PODXL: variants seen among roughly 807,000 people sequenced by gnomAD.
The protein encoded by PODXL is podocalyxin like.
PODXL carries 20 observed loss-of-function variants against 48.9 expected under a neutral mutation model. The ratio of observed to expected loss-of-function variants is 0.41; its 90% CI spans 0.29 to 0.59. The LOEUF is 0.59. PODXL is among the 20% of genes least tolerant of loss of function. The pLI is 0.31. For synonymous variants in PODXL, 295 were observed against 287.4 expected (o/e 1.03, Z -0.27); for missense variants, 606 against 675.1 (o/e 0.90, Z 1.13).
rs1357041847 is a variant in PODXL, at chr7:131,544,671, TGTACTAC to T, written c.100+11582_100+11588del. On this transcript the variant is annotated intron_variant, in intron 1 of 8. Coordinates refer to ENST00000378555, the MANE Select transcript of PODXL (RefSeq NM_001018111.3). Reference sequence around the variant, plus strand: ...CGCCCTGTACTACGCACGCACGCCCTGTACTACGCTTGGCAGTGCCCCCGGGGCAGGA... The same window carrying T: ...CGCCCTGTACTACGCACGCACGCCCTGCTTGGCAGTGCCCCCGGGGCAGGA... Among the ~76,000 whole-genome samples, 44 of 84,570 alleles carry T rather than the reference TGTACTAC, an allele frequency of 5.2e-4. No homozygotes were observed. In the South Asian group the frequency reaches 7.9e-3, roughly 15 times the overall value. The allele number at this position is 84,570 out of a possible 152,430, so 55.5% of individuals were successfully genotyped here.
Position 131,504,178 on chromosome 7 carries a change from C to G in PODXL, c.*133G>C. On this transcript the variant is annotated 3_prime_UTR_variant, in exon 9 of 9. Transcript: ENST00000378555. ...GGTTGAAAAGGGAAAAATTAAGGCC[C>G]TGGGGGGATTGGGAGGGGACACCCC... 1.4e-6 allele frequency: 1 copy of G among 691,134 alleles called. No individual in the cohort carries two copies. Among genetic ancestry groups the G allele is most frequent in the Non-Finnish European group, 2.5e-6 (1 of 404,254 alleles). 42.8% of individuals were successfully genotyped at this position (691,134 alleles called of 1,614,324 possible).
intron 1 of PODXL, among the ~76,000 whole-genome samples, chr7:131,512,440 T>C (rs977933049): frequency 6.6e-6 from 1 of 152,102 alleles, no homozygotes; most frequent in East Asian, 1.9e-4. Flanking sequence ...GCGATGATGG[T>C]TAAGCTAAGC....
intron 8 of PODXL, among the ~76,000 whole-genome samples, 169 bp from the exon 9 acceptor site, chr7:131,504,677 G>A (rs747238572): frequency 3.3e-5 from 5 of 152,142 alleles, no homozygotes; most frequent in Non-Finnish European, 4.4e-5. Context: ...CTCTCAGCCT[G>A]CCCGGAACTA....
intron 1 of PODXL, among the ~76,000 whole-genome samples, chr7:131,546,233 A>G (rs1056682759): frequency 5.3e-5 from 8 of 152,172 alleles, no homozygotes; most frequent in African/African-American, 1.9e-4. Context: ...GGATGATCTG[A>G]GAAAGGAAAG....
At position 131,511,303 on chromosome 7, in the gene PODXL, C is replaced by T. The variant is rs17744792; in HGVS notation, c.231G>A (p.Ser77=). 249,558 of 1,613,650 alleles carry T rather than the reference C, an allele frequency of 0.15. 20,755 individuals carry two copies. Among genetic ancestry groups the T allele is most frequent in the Middle Eastern group, 0.25 (1,509 of 6,062 alleles). Residue 77 remains serine (S), a synonymous_variant, in exon 2 of 9, where the codon TCG becomes TCA. Coordinates refer to ENST00000378555, the MANE Select transcript of PODXL (RefSeq NM_001018111.3). ...PTSKANEILA[S]VKATTLGVSS... is the part of the protein sequence containing the mutation. ...ATACACCAAGGGTGGTCGCCTTGAC[C>T]GAGGCCAAGATTTCGTTGGCCTTGG...
At chr7:131,535,594 G>A (rs1390252856) in intron 1 of PODXL, among the ~76,000 whole-genome samples, 1 of 152,180 alleles carries the variant, frequency 6.6e-6, no homozygotes, top group Non-Finnish European at 1.5e-5. Flanking sequence ...TACAGTCTCT[G>A]CCGCAACTAC....
At chr7:131,554,617 C>A (rs1224076444) in intron 1 of PODXL, among the ~76,000 whole-genome samples, 1 of 152,166 alleles carries the variant, frequency 6.6e-6, no homozygotes, top group East Asian at 1.9e-4. Context: ...CAGAGCTTTG[C>A]CCACTGGTGA....
chr7:131,546,643 T>C (rs1323693562), intron 1 of PODXL, among the ~76,000 whole-genome samples: 2 of 148,250 alleles, frequency 1.3e-5, no homozygotes, highest in African/African-American at 5.0e-5. Flanking sequence ...AGAGGATCGC[T>C]TGAACTCCTG....
intron 1 of PODXL, among the ~76,000 whole-genome samples, chr7:131,518,773 C>G (rs899897489): frequency 6.6e-6 from 1 of 152,214 alleles, no homozygotes; most frequent in African/African-American, 2.4e-5. Context: ...AGAAACGTGG[C>G]AGCCTGGAGG....
At chr7:131,531,232 T>C (rs965727736) in intron 1 of PODXL, among the ~76,000 whole-genome samples, 7 of 152,186 alleles carry the variant, frequency 4.6e-5, no homozygotes, top group Non-Finnish European at 1.0e-4. Context: ...TCTTCTGCTC[T>C]GGAATCTTAT....
chr7:131,530,179 AC>A (rs1352918135), intron 1 of PODXL, among the ~76,000 whole-genome samples: 1 of 100,908 alleles, frequency 9.9e-6, no homozygotes, highest in East Asian at 3.3e-4. Flanking sequence ...TCCAGGGCAC[AC>A]CTTCTCAGGC....
At position 131,502,343 on chromosome 7, in the gene PODXL, G is replaced by C. The variant is rs1389954505; in HGVS notation, c.*1968C>G. On this transcript the variant is annotated 3_prime_UTR_variant, in exon 9 of 9. Coordinates refer to ENST00000378555, the MANE Select transcript of PODXL (RefSeq NM_001018111.3). ...CTCCAAACACTAGAGCATCGGGGCAGATGTTTTTGGAACTTGTTAGCCTCG... is the reference window on the plus strand; with the variant it reads ...CTCCAAACACTAGAGCATCGGGGCACATGTTTTTGGAACTTGTTAGCCTCG... 2 of 152,198 alleles carry C rather than the reference G, an allele frequency of 1.3e-5. No homozygotes were observed. Among genetic ancestry groups the C allele is most frequent in the African/African-American group, 4.8e-5 (2 of 41,444 alleles). The allele number at this position is 152,198 out of a possible 1,614,324, so 9.4% of individuals were successfully genotyped here.
rs775327278 is a variant in PODXL, at chr7:131,511,135, T to C, written c.399A>G (p.Thr133=). ...PKSTKSADTT[T]VATSTATAKP... is the part of the protein sequence containing the mutation. ...TAGCTGTGGCTGTGGAGGTTGCAAC[T>C]GTAGTGGTGTCTGCACTTTTTGTGC... The change falls in exon 2 of 9, where the codon ACA becomes ACG. Residue 133 remains threonine, a synonymous_variant. Coordinates refer to ENST00000378555, the MANE Select transcript of PODXL (RefSeq NM_001018111.3). The C allele has an allele frequency of 6.2e-7, 1 of 1,613,970 alleles. No individual in the cohort carries two copies. The highest frequency in any genetic ancestry group is 8.5e-7 in the Non-Finnish European group (1 of 1,179,994).
At chr7:131,555,344 G>A (rs1798726043) in intron 1 of PODXL, among the ~76,000 whole-genome samples, 1 of 152,184 alleles carries the variant, frequency 6.6e-6, no homozygotes, top group Non-Finnish European at 1.5e-5. Flanking sequence ...GTTCCCTAGG[G>A]GCTTAAGAAC....
At position 131,509,016 on chromosome 7, in the gene PODXL, C is replaced by G; in HGVS notation, c.1036G>C (p.Asp346His). ...AHESNWAKCE[D>H]LETQTQSEKQ... is the part of the protein sequence containing the mutation. ...TCACTCTGTGTCTGTGTCTCAAGATCCTCACACTTTGCCTGGAAGAAGCCA... is the reference window on the plus strand; with the variant it reads ...TCACTCTGTGTCTGTGTCTCAAGATGCTCACACTTTGCCTGGAAGAAGCCA... Residue 346 changes from aspartate (D) to histidine (H), a missense_variant, in exon 5 of 9, where the codon GAT becomes CAT. Coordinates refer to ENST00000378555, the MANE Select transcript of PODXL (RefSeq NM_001018111.3). 6.2e-7 allele frequency: 1 copy of G among 1,613,840 alleles called. No homozygotes were observed. Among genetic ancestry groups the G allele is most frequent in the Non-Finnish European group, 8.5e-7 (1 of 1,179,742 alleles).
chr7:131,533,135 C>A (rs1341462743), intron 1 of PODXL, among the ~76,000 whole-genome samples: 1 of 152,190 alleles, frequency 6.6e-6, no homozygotes, highest in East Asian at 1.9e-4. Context: ...CCAACGTGCG[C>A]CCCTTACCCC....
intron 1 of PODXL, among the ~76,000 whole-genome samples, chr7:131,533,380 G>A (rs531214632): frequency 1.3e-5 from 2 of 152,318 alleles, no homozygotes; most frequent in South Asian, 4.1e-4. Context: ...CCCCTTAGGG[G>A]AGATAATTCC....
chr7:131,542,302 G>T (rs1798496304), intron 1 of PODXL, among the ~76,000 whole-genome samples: 1 of 152,182 alleles, frequency 6.6e-6, no homozygotes, highest in Admixed American at 6.5e-5. Context: ...AGGCCCAGAT[G>T]TCTAGGCCAA....
Position 131,506,079 on chromosome 7 carries a change from C to A in PODXL, c.1312-44G>T, listed in dbSNP as rs748378779. The A allele has an allele frequency of 3.1e-6, 5 of 1,587,560 alleles. No individual in the cohort carries two copies. The South Asian group carries it at 5.8e-5, about 18-fold the overall frequency. The stretch of plus-strand genomic sequence containing the variant: ...AGAACAGGCTGGGGGCATCCTCTCT[C>A]CCTCAGCCCCCGGCTTCACTGTAGA... On this transcript the variant is annotated intron_variant, in intron 7 of 8. Transcript: ENST00000378555.
Sources: allele counts gnomAD v4.1 joint callset (sites outside exome capture counted in the v4.1 genomes callset), GRCh38; gene constraint gnomAD v4.1.1; transcripts MANE v1.5; gene names NCBI Gene and HGNC (gene_info 2026-07-23, HGNC 2026-07-21).